Variants in SPATA17 observed in about 807,000 individuals in gnomAD.
SPATA17 encodes the protein spermatogenesis associated 17, also known as spermatogenesis-associated protein 17.
SPATA17 carries 53 observed loss-of-function variants against 62.2 expected under a neutral mutation model. That is an observed-to-expected ratio of 0.85 (90% confidence interval 0.68 to 1.07). SPATA17 has a LOEUF of 1.07. Ranked by LOEUF, SPATA17 falls within the 50% of genes least tolerant of loss-of-function variation. SPATA17 has a pLI of 0.00. For synonymous variants in SPATA17, 146 were observed against 146.8 expected (o/e 0.99, Z 0.04); for missense variants, 466 against 425.5 (o/e 1.10, Z -0.84).
intron 3 of SPATA17, among the ~76,000 whole-genome samples, chr1:217,659,198 A>G (rs1424785492): frequency 1.3e-5 from 2 of 151,694 alleles, no homozygotes; most frequent in African/African-American, 4.8e-5. Flanking sequence ...ACACACACAC[A>G]CACACACACA....
In SPATA17 at chr1:217,862,826, T is replaced by C. The variant is rs1433878022; in HGVS notation, c.1058T>C (p.Leu353Ser). 6.2e-7 allele frequency: 1 copy of C among 1,610,014 alleles called. No homozygotes were observed. The highest frequency in any genetic ancestry group is 1.7e-5 in the Admixed American group (1 of 59,828). ...SFELFSKYGK[L>S]YSKAGQIV Reference sequence around the variant, plus strand: ...GAGCTCTTCTCAAAGTATGGAAAATTATATTCAAAAGCTGGACAGATTGTA... The same window carrying C: ...GAGCTCTTCTCAAAGTATGGAAAATCATATTCAAAAGCTGGACAGATTGTA... The change falls in exon 10 of 11, where the codon TTA (leucine) becomes TCA (serine). Residue 353 changes from leucine to serine, a missense_variant. Coordinates refer to ENST00000366933, the MANE Select transcript of SPATA17 (RefSeq NM_138796.4).
At chr1:217,652,268 C>A (rs911507444) in intron 3 of SPATA17, among the ~76,000 whole-genome samples, 8 of 152,172 alleles carry the variant, frequency 5.3e-5, no homozygotes, top group Non-Finnish European at 7.3e-5. Flanking sequence ...GTCTCACTCT[C>A]TTCCCCAGGC....
chr1:217,755,398 C>A (rs1027111064), intron 6 of SPATA17, among the ~76,000 whole-genome samples: 1 of 151,890 alleles, frequency 6.6e-6, no homozygotes, highest in African/African-American at 2.4e-5. Context: ...GGAAAAGAAT[C>A]TTTCTTTAAA....
intron 3 of SPATA17, among the ~76,000 whole-genome samples, chr1:217,657,675 A>G (rs924280451): frequency 2.0e-5 from 3 of 152,200 alleles, no homozygotes; most frequent in Admixed American, 6.5e-5. Flanking sequence ...TATAAAATGA[A>G]TGGTGTAGAA....
At chr1:217,811,145 T>G (rs1235084128) in intron 9 of SPATA17, among the ~76,000 whole-genome samples, 8 of 152,170 alleles carry the variant, frequency 5.3e-5, no homozygotes, top group Non-Finnish European at 1.0e-4. Flanking sequence ...GTGATTCTCA[T>G]ACCTCAGCCT....
intron 4 of SPATA17, among the ~76,000 whole-genome samples, chr1:217,679,613 A>G (rs111765694): frequency 7.2e-5 from 11 of 152,330 alleles, no homozygotes; most frequent in African/African-American, 2.6e-4. Context: ...CTTACTTATT[A>G]CATTCTTTAA....
chr1:217,804,902 A>T (rs1289902578), intron 9 of SPATA17, among the ~76,000 whole-genome samples: 1 of 152,206 alleles, frequency 6.6e-6, no homozygotes, highest in Non-Finnish European at 1.5e-5. Flanking sequence ...ATTGGCAAGG[A>T]TGTGGAGAAA....
chr1:217,696,827 G>A (rs962563630), intron 5 of SPATA17, among the ~76,000 whole-genome samples: 1 of 152,048 alleles, frequency 6.6e-6, no homozygotes, highest in Non-Finnish European at 1.5e-5. Context: ...GCTATGAGAT[G>A]CTACTGATCT....
intron 9 of SPATA17, chr1:217,850,614 G>T (rs1464101981): frequency 1.9e-6 from 3 of 1,594,452 alleles, no homozygotes; most frequent in Non-Finnish European, 2.6e-6. Context: ...GCCAGTCAGG[G>T]TCTTCACGAA....
intron 9 of SPATA17, among the ~76,000 whole-genome samples, chr1:217,860,404 C>G (rs777724690): frequency 6.6e-6 from 1 of 152,024 alleles, no homozygotes. Flanking sequence ...CTATAGATGT[C>G]AATTATATAC....
intron 4 of SPATA17, among the ~76,000 whole-genome samples, chr1:217,674,141 G>A (rs1670894429): frequency 6.6e-6 from 1 of 152,070 alleles, no homozygotes. Flanking sequence ...TATTCCCTGA[G>A]AATAAATAGC....
At chr1:217,837,895 A>C (rs1350906842) in intron 9 of SPATA17, among the ~76,000 whole-genome samples, 1 of 152,164 alleles carries the variant, frequency 6.6e-6, no homozygotes, top group Non-Finnish European at 1.5e-5. Flanking sequence ...CCGGAGAAAG[A>C]AAGCTCCACA....
chr1:217,846,909 G>A (rs1035968623), intron 9 of SPATA17, among the ~76,000 whole-genome samples: 4 of 151,942 alleles, frequency 2.6e-5, no homozygotes, highest in Non-Finnish European at 4.4e-5. Flanking sequence ...AATTTAAAAA[G>A]TGATATCAAC....
intron 9 of SPATA17, among the ~76,000 whole-genome samples, chr1:217,851,588 T>G (rs193010825): frequency 2.4e-4 from 36 of 152,276 alleles, no homozygotes; most frequent in African/African-American, 8.2e-4. Flanking sequence ...TAAATTAAAC[T>G]GCAATTAATA....
At chr1:217,683,687 G>A (rs952569436) in intron 5 of SPATA17, among the ~76,000 whole-genome samples, 8 of 151,984 alleles carry the variant, frequency 5.3e-5, no homozygotes, top group African/African-American at 1.2e-4. Context: ...TGATCTGCCC[G>A]CCTCGGCCTC....
intron 1 of SPATA17, among the ~76,000 whole-genome samples, chr1:217,639,522 T>G (rs1042425314): frequency 4.6e-5 from 7 of 152,076 alleles, no homozygotes; most frequent in African/African-American, 7.2e-5. Context: ...GAGACAACAA[T>G]GAGCAATTCT....
chr1:217,678,643 T>G (rs1363740658), intron 4 of SPATA17, among the ~76,000 whole-genome samples: 1 of 152,208 alleles, frequency 6.6e-6, no homozygotes, highest in Non-Finnish European at 1.5e-5. Context: ...TTTTAATATA[T>G]CAAGGTTTTG....
At chr1:217,636,388 A>AATTATT (rs34766852) in intron 1 of SPATA17, among the ~76,000 whole-genome samples, 3 of 151,544 alleles carry the variant, frequency 2.0e-5, no homozygotes, top group South Asian at 2.1e-4. Context: ...CACTGAACAA[A>AATTATT]ATTATTATTA....
intron 3 of SPATA17, 104 bp downstream of exon 3, chr1:217,651,282 G>T (rs755652426): frequency 9.3e-6 from 8 of 856,106 alleles, no homozygotes; most frequent in Non-Finnish European, 1.2e-5. Context: ...CTGATGATGA[G>T]TATTTATGTA....
Sources: allele counts gnomAD v4.1 joint callset (sites outside exome capture counted in the v4.1 genomes callset), GRCh38; gene constraint gnomAD v4.1.1; transcripts MANE v1.5; gene names NCBI Gene and HGNC (gene_info 2026-07-23, HGNC 2026-07-21).